The following AGBL4 variants were observed in gnomAD, a reference collection of about 807,000 sequenced individuals.
AGBL4 encodes cytosolic carboxypeptidase 6.
In AGBL4, 58 loss-of-function variants were observed where a neutral mutation model predicts 66.4. That is an observed-to-expected ratio of 0.87 (90% CI 0.71 to 1.09). The LOEUF (loss-of-function observed/expected upper bound fraction) is 1.09, where lower values mean the gene tolerates loss of function less well. Ranked by LOEUF, AGBL4 falls within the 50% of genes least tolerant of loss-of-function variation. The pLI is 0.00. For missense variants in AGBL4, 579 were observed against 631.0 expected, an observed-to-expected ratio of 0.92 and a Z score of 0.88; for synonymous variants, 234 against 222.9, an observed-to-expected ratio of 1.05 and a Z score of -0.44.
At chr1:49,418,632 T>C (rs1027746856) in intron 3 of AGBL4, among the ~76,000 whole-genome samples, 1 of 152,188 alleles carries the variant, frequency 6.6e-6, no homozygotes, top group Non-Finnish European at 1.5e-5. Flanking sequence ...AAGTAGGAAA[T>C]AGACTGTGCA....
chr1:50,001,517 A>G (rs1169218698), intron 1 of AGBL4, among the ~76,000 whole-genome samples: 1 of 151,170 alleles, frequency 6.6e-6, no homozygotes, highest in African/African-American at 2.4e-5. Context: ...GTATATATAT[A>G]TATATATGAA....
chr1:49,328,117 T>TAATC (rs905813520), intron 3 of AGBL4, among the ~76,000 whole-genome samples: 4 of 152,180 alleles, frequency 2.6e-5, no homozygotes, highest in African/African-American at 9.7e-5. Context: ...AGCCCACGTG[T>TAATC]AATCACCTGG....
At chr1:49,200,008 A>T (rs1647560163) in intron 4 of AGBL4, among the ~76,000 whole-genome samples, 1 of 152,262 alleles carries the variant, frequency 6.6e-6, no homozygotes, top group East Asian at 1.9e-4. Flanking sequence ...GTGAAACGCT[A>T]AAAAAGCAGC....
chr1:49,343,998 C>T (rs1645590704), intron 3 of AGBL4, among the ~76,000 whole-genome samples: 1 of 152,146 alleles, frequency 6.6e-6, no homozygotes, highest in Non-Finnish European at 1.5e-5. Flanking sequence ...TAAACTGCTT[C>T]TTTGACTTTT....
intron 3 of AGBL4, among the ~76,000 whole-genome samples, chr1:49,396,465 T>C (rs1644977538): frequency 1.3e-5 from 2 of 152,158 alleles, no homozygotes; most frequent in Non-Finnish European, 2.9e-5. Context: ...TGTCACCATA[T>C]ATAATCGAGC....
intron 3 of AGBL4, among the ~76,000 whole-genome samples, chr1:49,366,099 C>T (rs1644236443): frequency 1.3e-5 from 2 of 152,140 alleles, no homozygotes; most frequent in South Asian, 4.1e-4. Context: ...GATAATTCAA[C>T]TCAACTTTCA....
chr1:48,900,570 T>C (rs1422493810), intron 5 of AGBL4, among the ~76,000 whole-genome samples: 1 of 152,138 alleles, frequency 6.6e-6, no homozygotes, highest in Non-Finnish European at 1.5e-5. Context: ...AGTCCAGAAA[T>C]AGACCCACAC....
chr1:49,567,109 G>A (rs536354522), intron 3 of AGBL4, among the ~76,000 whole-genome samples: 18 of 152,358 alleles, frequency 1.2e-4, no homozygotes, highest in Admixed American at 1.2e-3. Flanking sequence ...CCAGATGCAG[G>A]ATATAATCTC....
intron 3 of AGBL4, among the ~76,000 whole-genome samples, chr1:49,484,487 A>G (rs1265254971): frequency 2.0e-5 from 3 of 152,092 alleles, no homozygotes; most frequent in Non-Finnish European, 4.4e-5. Context: ...GTTAAGTGAA[A>G]TTAGCCAGCC....
Position 49,507,139 on chromosome 1 carries a change from A to G in AGBL4, c.282+190174T>C, listed in dbSNP as rs531525868. 2.9e-4 allele frequency among the ~76,000 whole-genome samples: 44 copies of G among 152,206 alleles called. No homozygotes were observed. In the South Asian group the frequency reaches 6.4e-3, roughly 22 times the overall value. ...CCAGCTATCCTGCTAGAGAGATCAT[A>G]TAGAAAAGCCACATTAAGAGGGAGA... On this transcript the variant is annotated intron_variant, in intron 3 of 13. Transcript: ENST00000371839.
At chr1:49,758,175 C>T (rs535975332) in intron 2 of AGBL4, among the ~76,000 whole-genome samples, 49 of 152,260 alleles carry the variant, frequency 3.2e-4, no homozygotes, top group African/African-American at 1.2e-3. Flanking sequence ...GTTAGTCCTG[C>T]GGGTGCACAG....
At chr1:49,552,001 C>T (rs994744674) in intron 3 of AGBL4, among the ~76,000 whole-genome samples, 2 of 152,104 alleles carry the variant, frequency 1.3e-5, no homozygotes, top group Admixed American at 1.3e-4. Context: ...GTGAGGTTCC[C>T]AGGTCGATGG....
chr1:48,801,910 CT>C (rs11322552), intron 6 of AGBL4, among the ~76,000 whole-genome samples: 129,955 of 144,542 alleles, frequency 0.9, 59,508 homozygotes, highest in South Asian at 0.99. Context: ...TCCATAATAA[CT>C]TTTTTTTTTT....
At chr1:49,863,792 G>T (rs113091718) in intron 1 of AGBL4, among the ~76,000 whole-genome samples, 12,380 of 152,174 alleles carry the variant, frequency 0.081, 710 homozygotes, top group African/African-American at 0.17. Context: ...TGCTGGTAAG[G>T]ATGTAGAGAA....
intron 4 of AGBL4, among the ~76,000 whole-genome samples, chr1:49,237,512 T>TTTTA (rs1650858245): frequency 0.011 from 26 of 2,284 alleles, 2 homozygotes; most frequent in African/African-American, 0.024. Context: ...CAATATTACA[T>TTTTA]TATATATATA....
chr1:49,659,502 C>G lies in AGBL4; in HGVS notation c.282+37811G>C, dbSNP rs117715444. 5.4e-3 allele frequency among the ~76,000 whole-genome samples: 828 copies of G among 152,184 alleles called. 15 individuals are homozygous for G. Among genetic ancestry groups the G allele is most frequent in the East Asian group, 0.05 (256 of 5,168 alleles). ...AGAAAAAAGCAGAAGTTGCAGTCCA[C>G]TTTCAGACAAAACAGACTTTAAACC... is the stretch of plus-strand genomic sequence containing the variant. On this transcript the variant is annotated intron_variant, in intron 3 of 13. Coordinates refer to ENST00000371839, the MANE Select transcript of AGBL4 (RefSeq NM_032785.4).
intron 3 of AGBL4, among the ~76,000 whole-genome samples, chr1:49,635,659 A>G (rs771448893): frequency 2.0e-5 from 3 of 152,210 alleles, no homozygotes; most frequent in African/African-American, 4.8e-5. Flanking sequence ...GTTTTAAATC[A>G]TTAGGAAAAT....
At chr1:48,645,254 G>C (rs1022625583) in intron 8 of AGBL4, among the ~76,000 whole-genome samples, 1 of 152,084 alleles carries the variant, frequency 6.6e-6, no homozygotes, top group Non-Finnish European at 1.5e-5. Context: ...GGGAGGTAAG[G>C]GTCTGTCTGG....
chr1:48,958,708 G>T (rs1313135107), intron 5 of AGBL4, among the ~76,000 whole-genome samples: 1 of 152,222 alleles, frequency 6.6e-6, no homozygotes, highest in South Asian at 2.1e-4. Context: ...TCTGGGCAGG[G>T]TGCCCTAAGC....
Sources: gnomAD v4.1 joint callset for allele counts (sites outside exome capture counted in the v4.1 genomes callset) on GRCh38, gnomAD v4.1.1 for gene constraint, MANE v1.5 for transcripts, NCBI Gene and HGNC (gene_info 2026-07-23, HGNC 2026-07-21) for gene names.